The following RNGTT variants were observed in gnomAD, a reference collection of about 807,000 sequenced individuals.
RNGTT encodes the protein mRNA-capping enzyme.
RNGTT carries 33 observed loss-of-function variants against 79.3 expected under a neutral mutation model. The observed-to-expected ratio is 0.42, with a 90% CI of 0.32 to 0.56. The LOEUF (loss-of-function observed/expected upper bound fraction) is 0.56, where lower values mean the gene tolerates loss of function less well. Ranked by LOEUF, RNGTT falls within the 20% of genes least tolerant of loss-of-function variation. The probability of loss-of-function intolerance (pLI) is 0.17; values close to 1 mark genes in which losing one functional copy is unlikely to be tolerated. For synonymous variants in RNGTT, 222 were observed against 235.9 expected (o/e 0.94, Z 0.54); for missense variants, 497 against 739.1 (o/e 0.67, Z 3.80).
chr6:88,880,187 AAT>A (rs1782651419), intron 8 of RNGTT, among the ~76,000 whole-genome samples: 1 of 133,076 alleles, frequency 7.5e-6, no homozygotes, highest in Non-Finnish European at 1.8e-5. Flanking sequence ...TGAATGAATG[AAT>A]GAATGAATGA....
chr6:88,846,890 G>A (rs1010775332), intron 10 of RNGTT, among the ~76,000 whole-genome samples: 2 of 151,882 alleles, frequency 1.3e-5, no homozygotes, highest in African/African-American at 4.8e-5. Context: ...CTATACCCAG[G>A]GAAGTTGGAA....
chr6:88,790,768 G>T (rs530923830), intron 12 of RNGTT, among the ~76,000 whole-genome samples: 1 of 152,206 alleles, frequency 6.6e-6, no homozygotes, highest in South Asian at 2.1e-4. Context: ...GAAAGTTTTA[G>T]ACTTCCCCAG....
At chr6:88,949,061 T>C (rs1452759144) in intron 1 of RNGTT, among the ~76,000 whole-genome samples, 2 of 119,282 alleles carry the variant, frequency 1.7e-5, no homozygotes, top group Non-Finnish European at 3.3e-5. Context: ...TATTGTCCCA[T>C]GACCCTGCCA....
chr6:88,855,814 C>T (rs115262133), intron 8 of RNGTT, among the ~76,000 whole-genome samples: 6,241 of 152,258 alleles, frequency 0.041, 189 homozygotes, highest in African/African-American at 0.077. Flanking sequence ...CTGGCACATG[C>T]TTTTCAAAAG....
At chr6:88,895,140 AT>A in intron 6 of RNGTT, among the ~76,000 whole-genome samples, 1 of 152,052 alleles carries the variant, frequency 6.6e-6, no homozygotes, top group East Asian at 1.9e-4. Context: ...TAAAATCTGC[AT>A]GGCTATCACA....
At chr6:88,765,278 G>A (rs988924640) in intron 13 of RNGTT, among the ~76,000 whole-genome samples, 1 of 151,630 alleles carries the variant, frequency 6.6e-6, no homozygotes, top group Non-Finnish European at 1.5e-5. Context: ...TATTTTCACA[G>A]CAAAGTGAGG....
chr6:88,778,408 A>G (rs1721557768), intron 12 of RNGTT, among the ~76,000 whole-genome samples: 3 of 107,668 alleles, frequency 2.8e-5, no homozygotes, highest in Non-Finnish European at 5.6e-5. Flanking sequence ...ATACTTAGGA[A>G]GGAAAAATTG....
chr6:88,895,731 C>T (rs952439743), intron 6 of RNGTT, among the ~76,000 whole-genome samples: 5 of 152,188 alleles, frequency 3.3e-5, no homozygotes, highest in Non-Finnish European at 7.3e-5. Flanking sequence ...GAAAGCTTTT[C>T]CAACCATAAA....
chr6:88,723,966 C>A (rs990028445), intron 13 of RNGTT, among the ~76,000 whole-genome samples: 1 of 152,108 alleles, frequency 6.6e-6, no homozygotes, highest in African/African-American at 2.4e-5. Flanking sequence ...CTCAGGTGAT[C>A]CGCCTGCCTC....
intron 14 of RNGTT, among the ~76,000 whole-genome samples, chr6:88,631,811 A>G (rs1307960661): frequency 4.0e-5 from 4 of 99,374 alleles, no homozygotes; most frequent in Non-Finnish European, 7.9e-5. Flanking sequence ...TAGGCTATAT[A>G]TATTTTTTGT....
At chr6:88,856,414 T>C (rs961308321) in intron 8 of RNGTT, among the ~76,000 whole-genome samples, 1 of 146,830 alleles carries the variant, frequency 6.8e-6, no homozygotes, top group Non-Finnish European at 1.5e-5. Flanking sequence ...GATGTATTTA[T>C]TTTACACACA....
At chr6:88,795,780 TA>T (rs1229796345) in intron 12 of RNGTT, among the ~76,000 whole-genome samples, 2 of 151,446 alleles carry the variant, frequency 1.3e-5, no homozygotes, top group African/African-American at 4.9e-5. Context: ...AACATAAAAA[TA>T]AAAAAAGGGA....
chr6:88,713,108 A>C (rs1176761946), intron 13 of RNGTT, among the ~76,000 whole-genome samples: 1 of 152,148 alleles, frequency 6.6e-6, no homozygotes. Context: ...TTCAAACCCT[A>C]ACCCTCAAAG....
In RNGTT at chr6:88,733,604, C is replaced by A. The variant is rs571525571; in HGVS notation, c.1439+36170G>T. On this transcript the variant is annotated intron_variant, in intron 13 of 15. Transcript: ENST00000369485. ...CCAGGAAGCTAAAAAAGAAAAAAAA[C>A]AATCACCGAGCAGGATAAAAACTGA... Among the ~76,000 whole-genome samples, 22 of 150,320 alleles carry A rather than the reference C, an allele frequency of 1.5e-4. No homozygotes were observed. In the South Asian group the frequency reaches 3.2e-3, roughly 22 times the overall value.
intron 13 of RNGTT, among the ~76,000 whole-genome samples, chr6:88,697,254 A>G (rs1775709346): frequency 6.6e-6 from 1 of 152,220 alleles, no homozygotes; most frequent in Non-Finnish European, 1.5e-5. Flanking sequence ...AGTAAACATT[A>G]GATATGCATC....
At chr6:88,816,740 G>A (rs1780325485) in intron 11 of RNGTT, among the ~76,000 whole-genome samples, 1 of 152,068 alleles carries the variant, frequency 6.6e-6, no homozygotes, top group Admixed American at 6.5e-5. Context: ...CCTAGAATCA[G>A]TAATAAAACC....
rs192358218 is a variant in RNGTT at position 88,783,189 on chromosome 6, T to C, written c.1339-13315A>G. On this transcript the variant is annotated intron_variant, in intron 12 of 15. Coordinates refer to ENST00000369485, the MANE Select transcript of RNGTT (RefSeq NM_003800.5). ...ATGGTTAAAGAAAACGTGGTGTACA[T>C]ATAACAGAATATTATTCAGCCTTAC... Among the ~76,000 whole-genome samples, 4 of 152,294 alleles carry C rather than the reference T, an allele frequency of 2.6e-5. No homozygotes were observed. In the East Asian group the frequency reaches 7.7e-4, roughly 29 times the overall value.
At chr6:88,813,946 T>G (rs1780226274) in intron 11 of RNGTT, among the ~76,000 whole-genome samples, 1 of 152,186 alleles carries the variant, frequency 6.6e-6, no homozygotes, top group Non-Finnish European at 1.5e-5. Flanking sequence ...CAGTAAGCTC[T>G]CACTTAACAA....
chr6:88,821,060 T>C (rs1388251403), intron 11 of RNGTT, among the ~76,000 whole-genome samples: 1 of 152,070 alleles, frequency 6.6e-6, no homozygotes, highest in African/African-American at 2.4e-5. Context: ...AAATTTACTA[T>C]ACAGCTACAG....
Sources: allele counts gnomAD v4.1 joint callset (sites outside exome capture counted in the v4.1 genomes callset), GRCh38; gene constraint gnomAD v4.1.1; transcripts MANE v1.5; gene names NCBI Gene and HGNC (gene_info 2026-07-23, HGNC 2026-07-21).